IGSF11: variants seen among roughly 807,000 people sequenced by gnomAD.
The protein encoded by IGSF11 is immunoglobulin superfamily member 11, also known as CXADR like 1.
Under a neutral mutation model 41.0 loss-of-function variants are expected in IGSF11, and 22 were observed. The ratio of observed to expected loss-of-function variants is 0.54; its 90% CI spans 0.38 to 0.77. The LOEUF is 0.77. Ranked by LOEUF, IGSF11 falls within the 30% of genes least tolerant of loss-of-function variation. IGSF11 has a pLI of 0.00. For missense variants in IGSF11, 444 were observed against 530.8 expected (o/e 0.84, Z 1.61); for synonymous variants, 219 against 201.3 (o/e 1.09, Z -0.74).
chr3:119,071,920 T>C (rs1272125274), intron 1 of IGSF11, among the ~76,000 whole-genome samples: 3 of 152,222 alleles, frequency 2.0e-5, no homozygotes, highest in Non-Finnish European at 4.4e-5. Context: ...TCTAGGTTAA[T>C]TTGGATTGTC....
chr3:118,945,630 T>C (rs1342670668), intron 1 of IGSF11, among the ~76,000 whole-genome samples: 1 of 152,220 alleles, frequency 6.6e-6, no homozygotes, highest in African/African-American at 2.4e-5. Flanking sequence ...CACTGTATTG[T>C]TGACAGCATC....
At chr3:118,971,666 T>C (rs1933444232) in intron 1 of IGSF11, among the ~76,000 whole-genome samples, 1 of 151,984 alleles carries the variant, frequency 6.6e-6, no homozygotes, top group Admixed American at 6.6e-5. Flanking sequence ...TAGCCAGGCG[T>C]GGTGGCAGGC....
intron 1 of IGSF11, among the ~76,000 whole-genome samples, chr3:119,085,752 A>G (rs2076660197): frequency 6.6e-6 from 1 of 152,254 alleles, no homozygotes; most frequent in African/African-American, 2.4e-5. Context: ...TAATACAATC[A>G]GAAGTGTTAA....
intron 1 of IGSF11, among the ~76,000 whole-genome samples, chr3:119,092,836 T>C (rs2076786683): frequency 6.6e-6 from 1 of 152,210 alleles, no homozygotes; most frequent in Admixed American, 6.5e-5. Flanking sequence ...ACACTAATAC[T>C]TACCATTCTG....
intron 1 of IGSF11, among the ~76,000 whole-genome samples, chr3:119,132,844 A>T (rs2077503643): frequency 6.6e-6 from 1 of 152,226 alleles, no homozygotes; most frequent in Non-Finnish European, 1.5e-5. Context: ...AATGTAAAAA[A>T]ATGGAAATCA....
chr3:119,136,191 A>T (rs1447771448), intron 1 of IGSF11, among the ~76,000 whole-genome samples: 2 of 152,172 alleles, frequency 1.3e-5, no homozygotes, highest in Non-Finnish European at 2.9e-5. Context: ...GTGCACATGT[A>T]CCCTAGTACT....
intron 1 of IGSF11, among the ~76,000 whole-genome samples, chr3:119,134,558 T>A (rs1309513948): frequency 6.6e-6 from 1 of 151,910 alleles, no homozygotes; most frequent in South Asian, 2.1e-4. Context: ...CTCAATGAAA[T>A]AAAAGAGGAC....
intron 1 of IGSF11, among the ~76,000 whole-genome samples, chr3:119,044,699 C>A (rs1470692476): frequency 1.3e-5 from 2 of 152,224 alleles, no homozygotes; most frequent in African/African-American, 4.8e-5. Context: ...GAAAAGCTAT[C>A]AGACTAACAC....
intron 1 of IGSF11, among the ~76,000 whole-genome samples, chr3:119,071,346 A>G (rs749449914): frequency 1.3e-5 from 2 of 152,086 alleles, no homozygotes; most frequent in Non-Finnish European, 2.9e-5. Context: ...CAAATTATCT[A>G]TTATTTCTTT....
chr3:118,974,628 A>G (rs1015644130), intron 1 of IGSF11, among the ~76,000 whole-genome samples: 4 of 152,166 alleles, frequency 2.6e-5, no homozygotes, highest in African/African-American at 4.8e-5. Flanking sequence ...TACAAACCAC[A>G]TTCCATGACT....
At chr3:119,125,548 G>T (rs1022105702) in intron 1 of IGSF11, among the ~76,000 whole-genome samples, 1 of 151,978 alleles carries the variant, frequency 6.6e-6, no homozygotes, top group African/African-American at 2.4e-5. Flanking sequence ...ACAAGGGCAG[G>T]GAGGAATCTT....
chr3:119,107,055 C>G (rs2077043467), upstream of IGSF11, among the ~76,000 whole-genome samples: 2 of 152,246 alleles, frequency 1.3e-5, no homozygotes, highest in African/African-American at 4.8e-5. Context: ...CATACGTGTG[C>G]ATGTGTCTTT....
intron 1 of IGSF11, among the ~76,000 whole-genome samples, chr3:119,005,062 G>A (rs932859251): frequency 1.1e-4 from 16 of 148,468 alleles, no homozygotes; most frequent in African/African-American, 3.6e-4. Context: ...TGACAGTGGG[G>A]TGTTAAAGTC....
At position 118,936,883 on chromosome 3, in the gene IGSF11, A is replaced by C. The variant is rs150362970; in HGVS notation, c.53-6608T>G. On this transcript the variant is annotated intron_variant, in intron 1 of 6. Transcript: ENST00000393775. ...GAGGTACCATCCACACTACACAGCC[A>C]AGAGAACAGACAATGGACATTTTAC... Among the ~76,000 whole-genome samples, 344 of 152,336 alleles carry C rather than the reference A, an allele frequency of 2.3e-3. 1 individual carries two copies. Among genetic ancestry groups the C allele is most frequent in the Non-Finnish European group, 3.6e-3 (243 of 68,032 alleles).
chr3:118,991,471 C>G (rs552927245), intron 1 of IGSF11, among the ~76,000 whole-genome samples: 208 of 152,294 alleles, frequency 1.4e-3, no homozygotes, highest in African/African-American at 4.8e-3. Context: ...TTTTTGTACT[C>G]CACAGCTGCA....
intron 1 of IGSF11, among the ~76,000 whole-genome samples, chr3:118,933,994 T>C (rs1943061744): frequency 6.6e-6 from 1 of 152,070 alleles, no homozygotes; most frequent in African/African-American, 2.4e-5. Context: ...CTTCAACCCC[T>C]TTCTCTGCAC....
chr3:118,945,479 A>C (rs931137272), intron 1 of IGSF11, among the ~76,000 whole-genome samples: 5 of 152,250 alleles, frequency 3.3e-5, no homozygotes, highest in Non-Finnish European at 5.9e-5. Flanking sequence ...GAAATTCAAA[A>C]ATGAAATGTA....
intron 1 of IGSF11, among the ~76,000 whole-genome samples, chr3:119,028,493 G>A (rs1310515366): frequency 6.6e-6 from 1 of 152,108 alleles, no homozygotes; most frequent in Admixed American, 6.5e-5. Flanking sequence ...TCAGGACTAA[G>A]AATACCAGAC....
Position 119,048,183 on chromosome 3 carries a change from G to C in IGSF11, c.49+56961C>G, listed in dbSNP as rs369242461. 5.7e-4 allele frequency among the ~76,000 whole-genome samples: 87 copies of C among 152,126 alleles called. 2 individuals carry two copies. The East Asian group carries it at 7.5e-3, about 13-fold the overall frequency. On this transcript the variant is annotated intron_variant, in intron 1 of 6. Transcript: ENST00000354673. ...TGAAGGAAATAGTGACACACAAAAC[G>C]CTTCAAAAAATTAATGAATCCAGGA...
Sources: allele counts gnomAD v4.1 joint callset (sites outside exome capture counted in the v4.1 genomes callset), GRCh38; gene constraint gnomAD v4.1.1; transcripts MANE v1.5; gene names NCBI Gene and HGNC (gene_info 2026-07-23, HGNC 2026-07-21).